The following KRR1 variants were observed in gnomAD, a reference collection of about 807,000 sequenced individuals.
The protein encoded by KRR1 is KRR1 small subunit processome component, also known as KRR1 small subunit processome component homolog.
A neutral mutation model predicts 50.0 loss-of-function variants in KRR1; 23 were observed. The ratio of observed to expected loss-of-function variants is 0.46; its 90% CI spans 0.33 to 0.65. KRR1 has a LOEUF of 0.65. Among genes scored for constraint, KRR1 ranks in the 30% least tolerant of loss-of-function variants. The pLI is 0.02. For missense variants in KRR1, 419 were observed against 442.4 expected, an observed-to-expected ratio of 0.95 and a Z score of 0.47; for synonymous variants, 133 against 146.3, an observed-to-expected ratio of 0.91 and a Z score of 0.66.
Position 75,501,825 on chromosome 12 carries a change from A to G in KRR1, c.910-9T>C, listed in dbSNP as rs763628443. The G allele has an allele frequency of 3.1e-6, 5 of 1,589,058 alleles. No homozygotes were observed. Among genetic ancestry groups the G allele is most frequent in the African/African-American group, 2.7e-5 (2 of 73,906 alleles). On this transcript the variant is annotated splice_polypyrimidine_tract_variant and intron_variant, in intron 8 of 9. Coordinates refer to ENST00000229214, the MANE Select transcript of KRR1 (RefSeq NM_007043.7). ...GCTTCTGCTTGTTTAGCCTACATTA[A>G]TAAATAAAAAATATATCAGTTAAAT...
In KRR1 at chr12:75,510,156, T is replaced by C. The variant is rs139615891; in HGVS notation, c.85+1357A>G. ...TCAAAATTCAGATAACATGTATTCA[T>C]ACTAATGTAAGGCAATGACAACTTT... On this transcript the variant is annotated intron_variant, in intron 1 of 9. Coordinates refer to ENST00000229214, the MANE Select transcript of KRR1 (RefSeq NM_007043.7). Among the ~76,000 whole-genome samples the C allele has an allele frequency of 9.0e-4, 137 of 152,274 alleles. No homozygotes were observed. In the Middle Eastern group the frequency reaches 0.031, roughly 34 times the overall value.
At position 75,506,927 on chromosome 12, in the gene KRR1, A is replaced by G. The variant is rs1267392051; in HGVS notation, c.259-11T>C. 1.3e-6 allele frequency: 2 copies of G among 1,577,162 alleles called. No homozygotes were observed. The highest frequency in any genetic ancestry group is 2.4e-5 in the South Asian group (2 of 84,444). The stretch of plus-strand genomic sequence containing the variant: ...GGTTGCATTAACATGCTACAGAAGG[A>G]AAGAGCAAACAAGCAGTTGTCTAAA... On this transcript the variant is annotated splice_polypyrimidine_tract_variant and intron_variant, in intron 2 of 9. Coordinates refer to ENST00000229214, the MANE Select transcript of KRR1 (RefSeq NM_007043.7).
chr12:75,508,644 A>G (rs565079741), intron 1 of KRR1, among the ~76,000 whole-genome samples, 198 bp from the exon 2 acceptor site: 6 of 152,284 alleles, frequency 3.9e-5, no homozygotes, highest in African/African-American at 1.4e-4. Flanking sequence ...ATTATCATCA[A>G]TTCTCTGTAT....
intron 6 of KRR1, 106 bp from the exon 7 acceptor site, chr12:75,504,180 C>G: frequency 2.8e-6 from 2 of 725,512 alleles, no homozygotes; most frequent in Non-Finnish European, 2.1e-6. Context: ...GAAACAGTTC[C>G]TAGTTTCTTT....
rs2046368419 is a variant in KRR1 at position 75,498,742 on chromosome 12, T to A, written c.*1067A>T. On this transcript the variant is annotated 3_prime_UTR_variant, in exon 10 of 10. Transcript: ENST00000229214. Reference sequence around the variant, plus strand: ...AAACGTACGTACATCAATCTTAAATTGTTTCATTAAGAGCTATGTGAATTC... The same window carrying A: ...AAACGTACGTACATCAATCTTAAATAGTTTCATTAAGAGCTATGTGAATTC... 6.2e-7 allele frequency: 1 copy of A among 1,609,944 alleles called. No homozygotes were observed. The highest frequency in any genetic ancestry group is 1.7e-5 in the Admixed American group (1 of 59,954).
intron 2 of KRR1, among the ~76,000 whole-genome samples, 197 bp from the exon 3 acceptor site, chr12:75,507,113 A>G (rs1161943400): frequency 2.0e-5 from 3 of 152,232 alleles, no homozygotes; most frequent in Non-Finnish European, 4.4e-5. Flanking sequence ...AAGAAACTGG[A>G]GCAATTGAAA....
Position 75,499,103 on chromosome 12 carries a change from T to C in KRR1, c.*706A>G. 3.9e-6 allele frequency: 2 copies of C among 519,098 alleles called. No individual in the cohort carries two copies. The highest frequency in any genetic ancestry group is 6.5e-6 in the Non-Finnish European group (2 of 308,260). 32.2% of individuals were successfully genotyped at this position (519,098 alleles called of 1,614,324 possible). On this transcript the variant is annotated 3_prime_UTR_variant, in exon 10 of 10. Coordinates refer to ENST00000229214, the MANE Select transcript of KRR1 (RefSeq NM_007043.7). ...CAGAAAAAAATATATGTTATAGCAATACTCTTACTCAAAAGAAGAAATTTC... is the reference window on the plus strand; with the variant it reads ...CAGAAAAAAATATATGTTATAGCAACACTCTTACTCAAAAGAAGAAATTTC...
chr12:75,502,931 GATC>G (rs1232573452), intron 7 of KRR1: 1 of 151,914 alleles, frequency 6.6e-6, no homozygotes, highest in African/African-American at 2.4e-5. Context: ...TTTTCACTAT[GATC>G]ATCATTTTCC....
At position 75,506,918 on chromosome 12, in the gene KRR1, T is replaced by TTTCTGC. The variant is rs759762278; in HGVS notation, c.259-3_259-2insGCAGAA. The TTTCTGC allele has an allele frequency of 1.9e-6, 3 of 1,589,374 alleles. No homozygotes were observed. The Admixed American group carries it at 5.6e-5, about 30-fold the overall frequency. On this transcript the variant is annotated splice_polypyrimidine_tract_variant and splice_region_variant and intron_variant, in intron 2 of 9. Coordinates refer to ENST00000229214, the MANE Select transcript of KRR1 (RefSeq NM_007043.7). ...CAGGTCCAGGGTTGCATTAACATGC[T>TTTCTGC]ACAGAAGGAAAGAGCAAACAAGCAG...
chr12:75,500,311 A>G (rs576839394), intron 9 of KRR1: 40 of 155,518 alleles, frequency 2.6e-4, no homozygotes, highest in Non-Finnish European at 2.8e-5. Context: ...CATATTTTGG[A>G]ACTTCTGAGT....
In KRR1 at chr12:75,492,693, T is replaced by C. The variant is rs2046330141; in HGVS notation, c.*7116A>G. ...ATAAAACTTACAACCAAAGTTATAA[T>C]GCTTCCATAAAGACTAACTTCAAAT... is the stretch of plus-strand genomic sequence containing the variant. On this transcript the variant is annotated 3_prime_UTR_variant, in exon 10 of 10. Coordinates refer to ENST00000229214, the MANE Select transcript of KRR1 (RefSeq NM_007043.7). 6.6e-6 allele frequency: 1 copy of C among 152,238 alleles called. No homozygotes were observed. The highest frequency in any genetic ancestry group is 1.5e-5 in the Non-Finnish European group (1 of 68,044). The allele number at this position is 152,238 out of a possible 1,614,324, so 9.4% of individuals were successfully genotyped here. A position where few individuals can be genotyped will look rare whatever the true frequency, so the allele number is the denominator to read the frequency against.
chr12:75,498,660 T>TA lies in KRR1; in HGVS notation c.*1148dup. 6.3e-7 allele frequency: 1 copy of TA among 1,584,230 alleles called. No individual in the cohort carries two copies. Among genetic ancestry groups the TA allele is most frequent in the Non-Finnish European group, 8.7e-7 (1 of 1,153,116 alleles). On this transcript the variant is annotated 3_prime_UTR_variant, in exon 10 of 10. Transcript: ENST00000229214. The stretch of plus-strand genomic sequence containing the variant: ...AAACTCTCAACTGTGTCTACCCTTT[T>TA]AATTTTTTTTCTTTCTTCCCCCTAA...
rs2046328871 is a variant in KRR1 at position 75,492,445 on chromosome 12, T to C, written c.*7364A>G. 6.6e-6 allele frequency: 1 copy of C among 152,206 alleles called. No homozygotes were observed. The allele number at this position is 152,206 out of a possible 1,614,324, so 9.4% of individuals were successfully genotyped here. A position where few individuals can be genotyped will look rare whatever the true frequency, so the allele number is the denominator to read the frequency against. ...ACTGTGTGACCCTGGACAAGTTAAC[T>C]CTGAATCTCAGTTTAACCTCCAATA... On this transcript the variant is annotated 3_prime_UTR_variant, in exon 10 of 10. Coordinates refer to ENST00000229214, the MANE Select transcript of KRR1 (RefSeq NM_007043.7).
chr12:75,495,432 C>T lies in KRR1; in HGVS notation c.*4377G>A. Reference sequence around the variant, plus strand: ...AATATTAGCAGCCTTCCATTTCTGCCTTCCTGTCTTCACTTCTATTACCAA... The same window carrying T: ...AATATTAGCAGCCTTCCATTTCTGCTTTCCTGTCTTCACTTCTATTACCAA... On this transcript the variant is annotated 3_prime_UTR_variant, in exon 10 of 10. Transcript: ENST00000229214. 1.7e-6 allele frequency: 1 copy of T among 572,488 alleles called. No individual in the cohort carries two copies. The highest frequency in any genetic ancestry group is 3.2e-6 in the Non-Finnish European group (1 of 310,956). 35.5% of individuals were successfully genotyped at this position (572,488 alleles called of 1,614,324 possible).
rs775906049 is a variant in KRR1 at position 75,495,438 on chromosome 12, G to A, written c.*4371C>T. 18 of 582,776 alleles carry A rather than the reference G, an allele frequency of 3.1e-5. No individual in the cohort carries two copies. Among genetic ancestry groups the A allele is most frequent in the Non-Finnish European group, 5.7e-5 (18 of 316,432 alleles). 36.1% of individuals were successfully genotyped at this position (582,776 alleles called of 1,614,324 possible). ...AGCAGCCTTCCATTTCTGCCTTCCTGTCTTCACTTCTATTACCAACTCTCT... is the reference window on the plus strand; with the variant it reads ...AGCAGCCTTCCATTTCTGCCTTCCTATCTTCACTTCTATTACCAACTCTCT... On this transcript the variant is annotated 3_prime_UTR_variant, in exon 10 of 10. Coordinates refer to ENST00000229214, the MANE Select transcript of KRR1 (RefSeq NM_007043.7).
chr12:75,500,169 T>G (rs933560527), intron 9 of KRR1: 7 of 346,474 alleles, frequency 2.0e-5, no homozygotes, highest in Non-Finnish European at 3.6e-5. Flanking sequence ...CATAAAATAC[T>G]TTATATATTA....
At chr12:75,505,401 G>C (rs2046417477) in intron 5 of KRR1, 147 bp from the exon 6 acceptor site, 1 of 740,384 alleles carries the variant, frequency 1.4e-6, no homozygotes, top group Non-Finnish European at 2.1e-6. Context: ...GCTCTGAGTG[G>C]CTTCTCCATC....
At position 75,508,404 on chromosome 12, in the gene KRR1, G is replaced by C. The variant is rs776489825; in HGVS notation, c.128C>G (p.Pro43Arg). ...LLTVPDGWKE[P>R]AFSKEDNPRG... ...GGGATTGTCCTCTTTGGAAAAAGCT[G>C]GTTCCTTCCAACCATCAGGAACCGT... The change falls in exon 2 of 10, where the codon CCA becomes CGA. Residue 43 changes from proline (P) to arginine (R), a missense_variant. By Grantham distance (103) the Pro-to-Arg change is moderately radical. Coordinates refer to ENST00000229214, the MANE Select transcript of KRR1 (RefSeq NM_007043.7). 15 of 1,612,256 alleles carry C rather than the reference G, an allele frequency of 9.3e-6. No homozygotes were observed. The highest frequency in any genetic ancestry group is 1.3e-5 in the Non-Finnish European group (15 of 1,179,354).
rs1165441053 is a variant in KRR1 at position 75,511,570 on chromosome 12, C to G, written c.28G>C (p.Glu10Gln). MASPSLERP[E>Q]KGAGKSEFRN... The stretch of plus-strand genomic sequence containing the variant: ...AATTCACTTTTTCCAGCGCCTTTTT[C>G]TGGCCGCTCCAGCGAGGGAGACGCC... Residue 10 changes from glutamate (E) to glutamine (Q), a missense_variant, in exon 1 of 10, where the codon GAA (glutamate) becomes CAA (glutamine). Transcript: ENST00000229214. The G allele has an allele frequency of 6.2e-7, 1 of 1,614,120 alleles. No individual in the cohort carries two copies. Among genetic ancestry groups the G allele is most frequent in the East Asian group, 2.2e-5 (1 of 44,882 alleles).
Sources: gnomAD v4.1 joint callset for allele counts (sites outside exome capture counted in the v4.1 genomes callset) on GRCh38, gnomAD v4.1.1 for gene constraint, MANE v1.5 for transcripts, NCBI Gene and HGNC (gene_info 2026-07-23, HGNC 2026-07-21) for gene names.